The following SHROOM4 variants were observed in gnomAD, a reference collection of about 807,000 sequenced individuals.
SHROOM4 encodes the protein shroom family member 4.
In SHROOM4, 17 loss-of-function variants were observed where a neutral mutation model predicts 80.3. The observed-to-expected ratio is 0.21, with a 90% CI of 0.14 to 0.32. SHROOM4 has a LOEUF of 0.32. Among genes scored for constraint, SHROOM4 ranks in the 10% least tolerant of loss-of-function variants. The probability of loss-of-function intolerance (pLI) is 1.00; values close to 1 mark genes in which losing one functional copy is unlikely to be tolerated. For synonymous variants in SHROOM4, 400 were observed against 437.5 expected, an observed-to-expected ratio of 0.91 and a Z score of 1.07; for missense variants, 993 against 1,140.3, an observed-to-expected ratio of 0.87 and a Z score of 1.86.
intron 2 of SHROOM4, among the ~76,000 whole-genome samples, chrX:50,645,285 C>A (rs1176299326): frequency 8.9e-6 from 1 of 112,110 alleles, no homozygotes. Flanking sequence ...GTTAAAATCT[C>A]TTTTCATTTC....
At chrX:50,702,211 A>G (rs1441943037) in intron 1 of SHROOM4, among the ~76,000 whole-genome samples, 1 of 111,873 alleles carries the variant, frequency 8.9e-6, no homozygotes, top group Non-Finnish European at 1.9e-5. Flanking sequence ...GCCAGAATTA[A>G]AAAGACTTAA....
intron 1 of SHROOM4, among the ~76,000 whole-genome samples, chrX:50,784,047 G>A (rs6521882): frequency 0.13 from 14,069 of 111,926 alleles, 1,727 homozygotes; most frequent in African/African-American, 0.39. Context: ...GTTACACAAC[G>A]GCGTCGCCAA....
chrX:50,723,063 G>A (rs782741376), intron 1 of SHROOM4, among the ~76,000 whole-genome samples: 189 of 105,825 alleles, frequency 1.8e-3, no homozygotes, highest in African/African-American at 6.3e-3. Context: ...AAAAGAAACT[G>A]TAAAGGTATT....
chrX:50,745,450 C>CAA (rs1459483804), intron 1 of SHROOM4, among the ~76,000 whole-genome samples: 1 of 104,529 alleles, frequency 9.6e-6, no homozygotes, highest in Non-Finnish European at 2.0e-5. Flanking sequence ...AACAAAAAAA[C>CAA]AAAAAAAAAA....
intron 1 of SHROOM4, among the ~76,000 whole-genome samples, chrX:50,724,016 C>T (rs1425925389): frequency 9.1e-6 from 1 of 110,229 alleles, no homozygotes; most frequent in Non-Finnish European, 1.9e-5. Flanking sequence ...CCTTGTATCT[C>T]CCCACCTTAA....
In SHROOM4 at chrX:50,791,078, C is replaced by G. The variant is rs112374685; in HGVS notation, c.117+22824G>C. 6.2e-3 allele frequency among the ~76,000 whole-genome samples: 679 copies of G among 110,286 alleles called. 9 individuals are homozygous for G. Among genetic ancestry groups the G allele is most frequent in the African/African-American group, 0.021 (641 of 30,264 alleles). The stretch of plus-strand genomic sequence containing the variant: ...TATACGGAGAAAATCCTAGACACTC[C>G]ATAAAAAAACTGTTAGAACTAATAA... On this transcript the variant is annotated intron_variant, in intron 1 of 8. Coordinates refer to ENST00000376020, the MANE Select transcript of SHROOM4 (RefSeq NM_020717.5).
chrX:50,773,670 T>A (rs1935443467), intron 1 of SHROOM4, among the ~76,000 whole-genome samples: 1 of 112,200 alleles, frequency 8.9e-6, no homozygotes, highest in East Asian at 2.8e-4. Context: ...GATGCCTTAA[T>A]ATACTAATCT....
intron 2 of SHROOM4, among the ~76,000 whole-genome samples, chrX:50,668,214 C>T (rs1006364619): frequency 1.8e-5 from 2 of 111,942 alleles, no homozygotes; most frequent in Admixed American, 1.9e-4. Context: ...CCCCGCTTGG[C>T]GGTAACAAGG....
At chrX:50,729,274 T>C (rs782619505) in intron 1 of SHROOM4, among the ~76,000 whole-genome samples, 1 of 110,217 alleles carries the variant, frequency 9.1e-6, no homozygotes, top group African/African-American at 3.3e-5. Context: ...GCTTGAAGAA[T>C]GAAAGAAAAG....
intron 1 of SHROOM4, among the ~76,000 whole-genome samples, chrX:50,755,118 C>T (rs1935010743): frequency 8.9e-6 from 1 of 112,323 alleles, no homozygotes; most frequent in South Asian, 3.7e-4. Context: ...ATTTTAGAAA[C>T]AGCATGAAAG....
At chrX:50,724,402 A>C in intron 1 of SHROOM4, among the ~76,000 whole-genome samples, 1 of 113,066 alleles carries the variant, frequency 8.8e-6, no homozygotes, top group South Asian at 3.6e-4. Context: ...TAAGCTACTA[A>C]GTTTGTGGTA....
At chrX:50,744,754 G>A (rs1452586891) in intron 1 of SHROOM4, among the ~76,000 whole-genome samples, 1 of 111,338 alleles carries the variant, frequency 9.0e-6, no homozygotes, top group East Asian at 2.8e-4. Flanking sequence ...CCATAACCTG[G>A]GCTTTGTTTT....
At chrX:50,736,644 C>A (rs1424022751) in intron 1 of SHROOM4, among the ~76,000 whole-genome samples, 1 of 112,118 alleles carries the variant, frequency 8.9e-6, no homozygotes, top group Non-Finnish European at 1.9e-5. Flanking sequence ...TCCAGTCTAT[C>A]GCTGATGGGC....
chrX:50,714,693 T>G (rs909177171), intron 1 of SHROOM4, among the ~76,000 whole-genome samples: 2 of 112,405 alleles, frequency 1.8e-5, no homozygotes, highest in African/African-American at 6.5e-5. Context: ...TATGTTAAGA[T>G]AGCAACACAG....
intron 1 of SHROOM4, among the ~76,000 whole-genome samples, chrX:50,706,040 CAT>C (rs1933666079): frequency 1.0e-5 from 1 of 99,578 alleles, no homozygotes; most frequent in Non-Finnish European, 2.0e-5. Flanking sequence ...ACACACACGT[CAT>C]ACCAAACTTT....
intron 1 of SHROOM4, among the ~76,000 whole-genome samples, chrX:50,783,316 C>T (rs1195963919): frequency 4.8e-4 from 54 of 111,658 alleles, no homozygotes; most frequent in Non-Finnish European, 2.4e-4. Flanking sequence ...AAATATAAAC[C>T]ATTTCTAATA....
chrX:50,607,560 C>A lies in SHROOM4; in HGVS notation c.3582G>T (p.Ser1194=). ...QPLSFGHLEG[S]RQGSQSVPAE... ...CTGGGACACTTTGTGAACCCTGTCT[C>A]GAGCCCTCCAGGTGGCCAAAGCTGA... Residue 1194 remains serine, a synonymous_variant, in exon 6 of 9, where the codon TCG becomes TCT. Coordinates refer to ENST00000376020, the MANE Select transcript of SHROOM4 (RefSeq NM_020717.5). 1 of 1,211,198 alleles carries A rather than the reference C, an allele frequency of 8.3e-7. No individual in the cohort carries two copies. Among genetic ancestry groups the A allele is most frequent in the Non-Finnish European group, 1.1e-6 (1 of 895,360 alleles).
At chrX:50,776,832 G>A (rs782539025) in intron 1 of SHROOM4, among the ~76,000 whole-genome samples, 127 of 109,395 alleles carry the variant, frequency 1.2e-3, no homozygotes, top group African/African-American at 4.1e-3. Context: ...GAGACTACAG[G>A]TGCACACCAC....
chrX:50,684,438 T>C lies in SHROOM4; in HGVS notation c.269+11348A>G, dbSNP rs73483711. Among the ~76,000 whole-genome samples, 992 of 111,969 alleles carry C rather than the reference T, an allele frequency of 8.9e-3. 7 individuals carry two copies. Among genetic ancestry groups the C allele is most frequent in the African/African-American group, 0.03 (935 of 30,835 alleles). ...CGACACTTGGATTTCAGACTTCCAGTATCCTGAACTATGTAATCTCTGCTA... is the reference window on the plus strand; with the variant it reads ...CGACACTTGGATTTCAGACTTCCAGCATCCTGAACTATGTAATCTCTGCTA... On this transcript the variant is annotated intron_variant, in intron 2 of 8. Coordinates refer to ENST00000376020, the MANE Select transcript of SHROOM4 (RefSeq NM_020717.5).
Sources: gnomAD v4.1 joint callset for allele counts (sites outside exome capture counted in the v4.1 genomes callset) on GRCh38, gnomAD v4.1.1 for gene constraint, MANE v1.5 for transcripts, NCBI Gene and HGNC (gene_info 2026-07-23, HGNC 2026-07-21) for gene names.